The following CCDC148 variants were observed in gnomAD, a reference collection of about 807,000 sequenced individuals.
CCDC148 encodes coiled-coil domain-containing protein 148.
A neutral mutation model predicts 85.7 loss-of-function variants in CCDC148; 89 were observed. The observed-to-expected ratio is 1.04, with a 90% CI of 0.87 to 1.24. The LOEUF is 1.24. Ranked by LOEUF, CCDC148 falls within the 50% of genes most tolerant of loss-of-function variation. CCDC148 has a pLI of 0.00. For missense variants in CCDC148, 692 were observed against 671.7 expected, an observed-to-expected ratio of 1.03 and a Z score of -0.33; for synonymous variants, 230 against 213.9, an observed-to-expected ratio of 1.08 and a Z score of -0.66.
intron 1 of CCDC148, among the ~76,000 whole-genome samples, chr2:158,388,765 G>T (rs1379683083): frequency 2.6e-5 from 4 of 152,294 alleles, no homozygotes; most frequent in Admixed American, 2.0e-4. Flanking sequence ...AAAGTGCTGG[G>T]ATTACAGGTG....
At chr2:158,242,421 T>C (rs925408439) in intron 10 of CCDC148, among the ~76,000 whole-genome samples, 2 of 152,124 alleles carry the variant, frequency 1.3e-5, no homozygotes, top group African/African-American at 4.8e-5. Context: ...TTTCTTATCA[T>C]ACAAATGCAA....
At chr2:158,432,150 T>C (rs1687383130) in intron 1 of CCDC148, among the ~76,000 whole-genome samples, 1 of 151,180 alleles carries the variant, frequency 6.6e-6, no homozygotes, top group Admixed American at 6.6e-5. Context: ...TAACTAATAA[T>C]ATCATAGTAC....
intron 1 of CCDC148, among the ~76,000 whole-genome samples, chr2:158,413,209 A>C (rs910670788): frequency 3.3e-5 from 5 of 152,140 alleles, no homozygotes; most frequent in African/African-American, 1.2e-4. Context: ...ATGTTAAAAG[A>C]AGCAGCAGGT....
intron 9 of CCDC148, among the ~76,000 whole-genome samples, chr2:158,276,304 T>A (rs778975279): frequency 6.6e-6 from 1 of 152,012 alleles, no homozygotes; most frequent in African/African-American, 2.4e-5. Flanking sequence ...CCTGGTGGCA[T>A]GCACCTGTAA....
chr2:158,383,231 C>T (rs1157543745), intron 1 of CCDC148, among the ~76,000 whole-genome samples: 2 of 151,802 alleles, frequency 1.3e-5, no homozygotes, highest in East Asian at 1.9e-4. Context: ...GCAGAAGAAT[C>T]GCTTGAACCT....
chr2:158,276,908 T>G (rs1009330128), intron 9 of CCDC148, among the ~76,000 whole-genome samples: 2 of 152,224 alleles, frequency 1.3e-5, no homozygotes. Flanking sequence ...TGATGTTTCA[T>G]GCTAATTATC....
chr2:158,404,165 T>A (rs1211127426), intron 1 of CCDC148, among the ~76,000 whole-genome samples: 2 of 152,076 alleles, frequency 1.3e-5, no homozygotes, highest in African/African-American at 4.8e-5. Context: ...CATTGACAGA[T>A]CTCACAGATT....
At chr2:158,320,098 A>G (rs1198711151) in intron 7 of CCDC148, among the ~76,000 whole-genome samples, 1 of 152,164 alleles carries the variant, frequency 6.6e-6, no homozygotes, top group Non-Finnish European at 1.5e-5. Flanking sequence ...TTATGACTCA[A>G]TTTTCTAAGT....
At chr2:158,252,396 C>T (rs964132992) in intron 9 of CCDC148, among the ~76,000 whole-genome samples, 1 of 151,674 alleles carries the variant, frequency 6.6e-6, no homozygotes, top group Non-Finnish European at 1.5e-5. Flanking sequence ...AATAGATCAT[C>T]CCTGCCTTCT....
chr2:158,402,471 T>G (rs1042759933), intron 1 of CCDC148, among the ~76,000 whole-genome samples: 1 of 150,974 alleles, frequency 6.6e-6, no homozygotes, highest in African/African-American at 2.4e-5. Context: ...TGGACCAGCA[T>G]AGCTAAAGAG....
intron 7 of CCDC148, among the ~76,000 whole-genome samples, chr2:158,330,212 C>A (rs148432417): frequency 6.6e-6 from 1 of 152,124 alleles, no homozygotes; most frequent in African/African-American, 2.4e-5. Flanking sequence ...GTGTTTTTAG[C>A]ATGAAGCGTT....
chr2:158,435,309 T>C (rs1232053336), intron 1 of CCDC148, among the ~76,000 whole-genome samples: 1 of 151,924 alleles, frequency 6.6e-6, no homozygotes, highest in African/African-American at 2.4e-5. Flanking sequence ...CAGAAGAGAG[T>C]GGGGGCCAAT....
intron 1 of CCDC148, among the ~76,000 whole-genome samples, chr2:158,403,495 T>G (rs1388560380): frequency 1.3e-5 from 2 of 152,088 alleles, no homozygotes; most frequent in South Asian, 2.1e-4. Flanking sequence ...TTAAAGTGTG[T>G]ATTTTTAGAG....
chr2:158,308,239 A>C (rs931853802), intron 9 of CCDC148, among the ~76,000 whole-genome samples: 3 of 152,234 alleles, frequency 2.0e-5, no homozygotes, highest in African/African-American at 7.2e-5. Flanking sequence ...ATATAAGGAA[A>C]ATATCAATTT....
rs192839163 is a variant in CCDC148 at position 158,255,563 on chromosome 2, A to C, written c.1111-4651T>G. 1.5e-3 allele frequency among the ~76,000 whole-genome samples: 226 copies of C among 151,854 alleles called. 2 individuals carry two copies. The highest frequency in any genetic ancestry group is 5.2e-3 in the African/African-American group (214 of 41,506). ...AATTATGGTATTTTCAAGACGCCTA[A>C]GGATAAGAAAGCTGGCAGGTGGGCA... On this transcript the variant is annotated intron_variant, in intron 9 of 13. Transcript: ENST00000283233.
At chr2:158,319,363 T>A (rs866479949) in intron 7 of CCDC148, among the ~76,000 whole-genome samples, 1 of 152,326 alleles carries the variant, frequency 6.6e-6, no homozygotes, top group South Asian at 2.1e-4. Flanking sequence ...AACAAGTGTT[T>A]GGTAGGAACA....
chr2:158,262,401 A>G (rs958371155), intron 9 of CCDC148, among the ~76,000 whole-genome samples: 1 of 151,954 alleles, frequency 6.6e-6, no homozygotes, highest in East Asian at 1.9e-4. Flanking sequence ...AAAAATAACT[A>G]TAGGGTAGTT....
intron 2 of CCDC148, among the ~76,000 whole-genome samples, chr2:158,348,555 A>T (rs1355335781): frequency 6.6e-6 from 1 of 152,062 alleles, no homozygotes; most frequent in African/African-American, 2.4e-5. Flanking sequence ...TTATTAAGAC[A>T]TTAACATTTT....
At chr2:158,197,037 A>G (rs934624492) in intron 11 of CCDC148, among the ~76,000 whole-genome samples, 2 of 152,184 alleles carry the variant, frequency 1.3e-5, no homozygotes, top group African/African-American at 4.8e-5. Flanking sequence ...CAGAAAATGG[A>G]TTCAGGAAAA....
Sources: gnomAD v4.1 joint callset for allele counts (sites outside exome capture counted in the v4.1 genomes callset) on GRCh38, gnomAD v4.1.1 for gene constraint, MANE v1.5 for transcripts, NCBI Gene and HGNC (gene_info 2026-07-23, HGNC 2026-07-21) for gene names.